Variants in SLC14A2 observed in about 807,000 individuals in gnomAD.
SLC14A2 encodes the protein solute carrier family 14 member 2.
Under a neutral mutation model 104.6 loss-of-function variants are expected in SLC14A2, and 91 were observed. The observed-to-expected ratio is 0.87, with a 90% CI of 0.73 to 1.04. The LOEUF (loss-of-function observed/expected upper bound fraction) is 1.04. Among genes scored for constraint, SLC14A2 ranks in the 50% least tolerant of loss-of-function variants. The probability of loss-of-function intolerance (pLI) is 0.00; values close to 1 mark genes in which losing one functional copy is unlikely to be tolerated. For missense variants in SLC14A2, 1,189 were observed against 1,156.0 expected (o/e 1.03, Z -0.41); for synonymous variants, 476 against 466.4 (o/e 1.02, Z -0.27).
At chr18:45,380,881 A>G in intron 1 of SLC14A2, among the ~76,000 whole-genome samples, 1 of 152,260 alleles carries the variant, frequency 6.6e-6, no homozygotes, top group Non-Finnish European at 1.5e-5. Flanking sequence ...TCTAGAAAAC[A>G]TAAATAACAA....
intron 2 of SLC14A2, among the ~76,000 whole-genome samples, chr18:45,609,308 A>G (rs1599060830): frequency 6.6e-6 from 1 of 151,468 alleles, no homozygotes; most frequent in East Asian, 1.9e-4. Flanking sequence ...TCTTTCTTGT[A>G]TCTATCTAAA....
chr18:45,315,595 A>ACCATC (rs768379009), intron 1 of SLC14A2, among the ~76,000 whole-genome samples: 3 of 152,040 alleles, frequency 2.0e-5, no homozygotes, highest in Non-Finnish European at 2.9e-5. Flanking sequence ...GTGTCTCAGA[A>ACCATC]CCATCCCATC....
Position 45,437,041 on chromosome 18 carries a change from T to A in SLC14A2, c.-124-46192T>A, listed in dbSNP as rs77026710. 4.3e-3 allele frequency among the ~76,000 whole-genome samples: 648 copies of A among 152,280 alleles called. 5 individuals carry two copies. The highest frequency in any genetic ancestry group is 7.0e-3 in the Non-Finnish European group (474 of 68,018). ...TGGAGCCCCTCTTCTGAATAAGCGCTCTTCCCACTGCCTGGCCCACCCCAC... is the reference window on the plus strand; with the variant it reads ...TGGAGCCCCTCTTCTGAATAAGCGCACTTCCCACTGCCTGGCCCACCCCAC... On this transcript the variant is annotated intron_variant, in intron 1 of 20. Transcript: ENST00000586448.
At chr18:45,680,381 C>A (rs1010902528) in intron 19 of SLC14A2, among the ~76,000 whole-genome samples, 1 of 152,184 alleles carries the variant, frequency 6.6e-6, no homozygotes. Context: ...AAAACAAAAT[C>A]AAGTTTACCT....
chr18:45,533,204 T>C (rs1169428497), intron 2 of SLC14A2, among the ~76,000 whole-genome samples: 2 of 152,250 alleles, frequency 1.3e-5, no homozygotes, highest in Middle Eastern at 6.3e-3. Context: ...AGGATGAAGC[T>C]GGCCTCATAA....
intron 2 of SLC14A2, among the ~76,000 whole-genome samples, chr18:45,495,938 G>A (rs2043089099): frequency 6.6e-6 from 1 of 152,220 alleles, no homozygotes; most frequent in South Asian, 2.1e-4. Context: ...CTGAAAGTTT[G>A]AAGACCACCC....
intron 8 of SLC14A2, among the ~76,000 whole-genome samples, chr18:45,642,853 T>C (rs914338580): frequency 1.3e-5 from 2 of 152,250 alleles, no homozygotes; most frequent in Admixed American, 6.5e-5. Flanking sequence ...CCTGACTCCA[T>C]GCAAGGCCAC....
chr18:45,401,124 C>T (rs536805097), intron 1 of SLC14A2, among the ~76,000 whole-genome samples: 38 of 152,226 alleles, frequency 2.5e-4, no homozygotes, highest in African/African-American at 8.7e-4. Context: ...GAGCTCACTC[C>T]TCATTTCTGT....
chr18:45,255,883 C>T lies in SLC14A2; in HGVS notation c.-125+42692C>T, dbSNP rs188237876. Among the ~76,000 whole-genome samples, 618 of 152,320 alleles carry T rather than the reference C, an allele frequency of 4.1e-3. 4 individuals are homozygous for T. Among genetic ancestry groups the T allele is most frequent in the Non-Finnish European group, 6.7e-3 (459 of 68,030 alleles). ...TGGGCAGCTCCTCCGCCCTTTACCT[C>T]TCAGAAACCTCCAGGCAGAGGGATC... On this transcript the variant is annotated intron_variant, in intron 1 of 20. Transcript: ENST00000586448.
the SLC14A2 span, among the ~76,000 whole-genome samples, chr18:45,184,955 G>T: frequency 6.6e-6 from 1 of 152,276 alleles, no homozygotes; most frequent in South Asian, 2.1e-4. Context: ...TTTCACATCT[G>T]CACAACTTCT....
At chr18:45,294,218 A>AAT (rs150478048) in intron 1 of SLC14A2, among the ~76,000 whole-genome samples, 6,501 of 151,738 alleles carry the variant, frequency 0.043, 175 homozygotes, top group Middle Eastern at 0.1. Flanking sequence ...CTTGTGTGGG[A>AAT]ATATATATAT....
chr18:45,651,814 C>A (rs2045742744), intron 10 of SLC14A2, among the ~76,000 whole-genome samples: 1 of 152,234 alleles, frequency 6.6e-6, no homozygotes, highest in Non-Finnish European at 1.5e-5. Context: ...AGTGCCTTTG[C>A]TACTTTTCTA....
intron 2 of SLC14A2, among the ~76,000 whole-genome samples, chr18:45,532,842 G>C (rs1246680361): frequency 1.3e-5 from 2 of 152,104 alleles, no homozygotes; most frequent in Non-Finnish European, 2.9e-5. Flanking sequence ...GTTTGTCATA[G>C]ATAGCTCATA....
At chr18:45,558,158 C>G (rs1014909722) in intron 2 of SLC14A2, among the ~76,000 whole-genome samples, 1 of 152,174 alleles carries the variant, frequency 6.6e-6, no homozygotes, top group Non-Finnish European at 1.5e-5. Flanking sequence ...TCCTAACACC[C>G]TTGGCTCTTG....
chr18:45,674,627 C>A (rs1446484290), intron 18 of SLC14A2, among the ~76,000 whole-genome samples: 2 of 152,026 alleles, frequency 1.3e-5, no homozygotes, highest in Non-Finnish European at 2.9e-5. Context: ...AAAAAAGTAG[C>A]TGTCATATTG....
At chr18:45,278,473 A>G (rs1490539002) in intron 1 of SLC14A2, among the ~76,000 whole-genome samples, 1 of 152,178 alleles carries the variant, frequency 6.6e-6, no homozygotes, top group Non-Finnish European at 1.5e-5. Flanking sequence ...AGATGCAGTA[A>G]TTCTCACTGA....
intron 2 of SLC14A2, among the ~76,000 whole-genome samples, chr18:45,593,665 A>G (rs545196303): frequency 6.7e-4 from 102 of 151,292 alleles, no homozygotes; most frequent in African/African-American, 2.2e-3. Context: ...AATTTTTTGT[A>G]TTTTTAGTAG....
At chr18:45,578,178 G>T (rs2705399) in intron 2 of SLC14A2, among the ~76,000 whole-genome samples, 7 of 152,154 alleles carry the variant, frequency 4.6e-5, no homozygotes, top group African/African-American at 1.4e-4. Context: ...ACTTTCTCCA[G>T]GAGCCCCTTT....
the SLC14A2 span, among the ~76,000 whole-genome samples, chr18:45,192,091 T>C: frequency 6.6e-6 from 1 of 152,246 alleles, no homozygotes; most frequent in Non-Finnish European, 1.5e-5. Flanking sequence ...TCAACTGTGC[T>C]TCATTGAACC....
Sources: gnomAD v4.1 joint callset for allele counts (sites outside exome capture counted in the v4.1 genomes callset) on GRCh38, gnomAD v4.1.1 for gene constraint, MANE v1.5 for transcripts, NCBI Gene and HGNC (gene_info 2026-07-23, HGNC 2026-07-21) for gene names.